The following WHAMM variants were observed in gnomAD, a reference collection of about 807,000 sequenced individuals.
WHAMM encodes the protein WASP homolog-associated protein with actin, membranes and microtubules.
A neutral mutation model predicts 76.5 loss-of-function variants in WHAMM; 67 were observed. That is an observed-to-expected ratio of 0.88 (90% CI 0.72 to 1.07). WHAMM has a LOEUF of 1.07. WHAMM is among the 50% of genes least tolerant of loss of function. The pLI is 0.00. For missense variants in WHAMM, 1,021 were observed against 1,051.1 expected, an observed-to-expected ratio of 0.97 and a Z score of 0.40; for synonymous variants, 419 against 422.1, an observed-to-expected ratio of 0.99 and a Z score of 0.09.
At position 82,833,539 on chromosome 15, in the gene WHAMM, T is replaced by C; in HGVS notation, c.*3T>C. 1 of 1,611,894 alleles carries C rather than the reference T, an allele frequency of 6.2e-7. No homozygotes were observed. The highest frequency in any genetic ancestry group is 1.7e-5 in the Admixed American group (1 of 59,954). On this transcript the variant is annotated 3_prime_UTR_variant, in exon 10 of 10. Transcript: ENST00000286760. ...ACCCTGGCCAGTGGGATGGTTAGGC[T>C]CAAGTTTGACAAAGGCACCTGCCAC...
At chr15:82,812,335 TCTC>T (rs1432469679) in intron 1 of WHAMM, among the ~76,000 whole-genome samples, 1 of 152,196 alleles carries the variant, frequency 6.6e-6, no homozygotes, top group Non-Finnish European at 1.5e-5. Flanking sequence ...TTCATGCTAT[TCTC>T]CTGCCTCAGC....
chr15:82,826,744 A>T lies in WHAMM; in HGVS notation c.1546-7A>T. ...CAATTTACAAATATACATTTGTTTA[A>T]ATATAGAAAAGAGACAAGATAAAAG... On this transcript the variant is annotated splice_polypyrimidine_tract_variant and splice_region_variant and intron_variant, in intron 7 of 9. Coordinates refer to ENST00000286760, the MANE Select transcript of WHAMM (RefSeq NM_001080435.3). 6.5e-7 allele frequency: 1 copy of T among 1,537,146 alleles called. No individual in the cohort carries two copies. Among genetic ancestry groups the T allele is most frequent in the Non-Finnish European group, 8.7e-7 (1 of 1,143,658 alleles).
rs756530135 is a variant in WHAMM at position 82,809,895 on chromosome 15, G to A, written c.169G>A (p.Glu57Lys). 6.4e-7 allele frequency: 1 copy of A among 1,550,700 alleles called. No individual in the cohort carries two copies. Among genetic ancestry groups the A allele is most frequent in the Non-Finnish European group, 8.7e-7 (1 of 1,146,568 alleles). ...TACCGCGCAGCAGCGGCGGCTGCGC[G>A]AGGGGGCCCGGTTGGGGCCCGAGCC... ...DRTAQQRRLR[E>K]GARLGPEPEP... Residue 57 changes from glutamate to lysine, a missense_variant, in exon 1 of 10, where the codon GAG (glutamate) becomes AAG (lysine). By Grantham distance (56) the Glu-to-Lys change is moderately conservative. Coordinates refer to ENST00000286760, the MANE Select transcript of WHAMM (RefSeq NM_001080435.3).
chr15:82,830,976 C>T lies in WHAMM; in HGVS notation c.2019C>T (p.Asn673=). ...SSSSQAATHQ[N]LGFRAPVKDD... ...CCTCTCAAGCTGCAACTCATCAGAA[C>T]TTAGGCTTCCGGGCTCCAGTGAAAG... is the stretch of plus-strand genomic sequence containing the variant. Residue 673 remains asparagine, a synonymous_variant, in exon 9 of 10, where the codon AAC becomes AAT. Transcript: ENST00000286760. The T allele has an allele frequency of 7.0e-7, 1 of 1,421,070 alleles. No homozygotes were observed. 88.0% of individuals were successfully genotyped at this position (1,421,070 alleles called of 1,614,324 possible). A position where few individuals can be genotyped will look rare whatever the true frequency, so the allele number is the denominator to read the frequency against.
chr15:82,833,176 TGGGAA>T lies in WHAMM; in HGVS notation c.2123-47_2123-43del, dbSNP rs1184929550. ...TCACAATTTCATAGCAGTAATGTCC[TGGGAA>T]GGGAAAGTGTTTTATTGATAGTACT... On this transcript the variant is annotated intron_variant, in intron 9 of 9. Coordinates refer to ENST00000286760, the MANE Select transcript of WHAMM (RefSeq NM_001080435.3). 5 of 1,549,348 alleles carry T rather than the reference TGGGAA, an allele frequency of 3.2e-6. No individual in the cohort carries two copies. The African/African-American group carries it at 5.4e-5, about 17-fold the overall frequency.
At position 82,830,618 on chromosome 15, in the gene WHAMM, TCCGAA is replaced by T; in HGVS notation, c.1662_1666del (p.Arg555HisfsTer14). On this transcript the variant is annotated frameshift_variant, in exon 9 of 10. Coordinates refer to ENST00000286760, the MANE Select transcript of WHAMM (RefSeq NM_001080435.3). LOFTEE classifies it high-confidence loss of function. ...TTTCAGAAACGCCTAGCTCAATCTG[TCCGAA>T]ACACCTCTGGCTCAGAACCTGTGGC... is the stretch of plus-strand genomic sequence containing the variant. 1.2e-6 allele frequency: 2 copies of T among 1,613,236 alleles called. No homozygotes were observed. Among genetic ancestry groups the T allele is most frequent in the South Asian group, 2.2e-5 (2 of 91,060 alleles).
intron 1 of WHAMM, among the ~76,000 whole-genome samples, chr15:82,812,862 G>A (rs371630926): frequency 2.6e-5 from 4 of 152,274 alleles, no homozygotes; most frequent in African/African-American, 4.8e-5. Context: ...ATCTTCAGAA[G>A]CACAGTGCTG....
At chr15:82,825,843 G>A (rs2050922170) in intron 6 of WHAMM, among the ~76,000 whole-genome samples, 2 of 151,792 alleles carry the variant, frequency 1.3e-5, no homozygotes, top group African/African-American at 2.4e-5. Flanking sequence ...TGAGGATAAA[G>A]TATCATAAGG....
intron 8 of WHAMM, 38 bp downstream of exon 8, chr15:82,826,884 G>A (rs1317768586): frequency 6.6e-7 from 1 of 1,516,368 alleles, no homozygotes; most frequent in Non-Finnish European, 8.8e-7. Context: ...TACACTTCTG[G>A]GGAAATAACT....
intron 1 of WHAMM, 151 bp downstream of exon 1, chr15:82,810,486 G>A (rs1052218278): frequency 6.6e-5 from 65 of 985,334 alleles, no homozygotes; most frequent in Middle Eastern, 1.0e-3. Context: ...GCCGTCACCT[G>A]CGCGGGACCG....
At chr15:82,831,567 A>G (rs17158257) in intron 9 of WHAMM, among the ~76,000 whole-genome samples, 19,780 of 152,242 alleles carry the variant, frequency 0.13, 1,416 homozygotes, top group East Asian at 0.19. Flanking sequence ...CAGACTGACT[A>G]GCACACTGAG....
chr15:82,824,587 C>G (rs892207597), intron 6 of WHAMM, among the ~76,000 whole-genome samples: 9 of 152,152 alleles, frequency 5.9e-5, no homozygotes, highest in African/African-American at 1.7e-4. Flanking sequence ...TCCCAAAGTG[C>G]TGGGATTACG....
chr15:82,817,523 A>T (rs1566992935), intron 3 of WHAMM, among the ~76,000 whole-genome samples: 2 of 151,774 alleles, frequency 1.3e-5, no homozygotes, highest in Non-Finnish European at 2.9e-5. Flanking sequence ...ATGATTCTTG[A>T]TTTTTTTTTA....
chr15:82,819,435 A>C lies in WHAMM; in HGVS notation c.1217A>C (p.Asn406Thr). 7.9e-7 allele frequency: 1 copy of C among 1,270,596 alleles called. No individual in the cohort carries two copies. Among genetic ancestry groups the C allele is most frequent in the Admixed American group, 3.6e-5 (1 of 28,036 alleles). 78.7% of individuals were successfully genotyped at this position (1,270,596 alleles called of 1,614,324 possible). A position where few individuals can be genotyped will look rare whatever the true frequency, so the allele number is the denominator to read the frequency against. The change falls in exon 5 of 10, where the codon AAC becomes ACC. Residue 406 changes from asparagine (N) to threonine (T), a missense_variant. Physicochemically the swap from Asn to Thr is moderately conservative, Grantham distance 65 (BLOSUM62 0). This residue lies in a region of WHAMM where 11 missense variants were observed against 34.0 expected (regional missense o/e 0.32). Coordinates refer to ENST00000286760, the MANE Select transcript of WHAMM (RefSeq NM_001080435.3). ...LYEVKFEILK[N>T]EEILLTTQLD... ...GAAGTTAAATTTGAGATATTAAAAA[A>C]CGAAGAAATACTGCTTACTACACAG...
chr15:82,826,300 A>T, intron 6 of WHAMM, 110 bp from the exon 7 acceptor site: 1 of 1,126,262 alleles, frequency 8.9e-7, no homozygotes, highest in Non-Finnish European at 1.3e-6. Flanking sequence ...AACTAATATT[A>T]ATGAATGCCT....
chr15:82,822,825 T>C (rs1465333447), intron 5 of WHAMM, among the ~76,000 whole-genome samples: 1 of 136,206 alleles, frequency 7.3e-6, no homozygotes, highest in African/African-American at 2.6e-5. Flanking sequence ...TGTGTGTGTG[T>C]ATATATATAT....
At chr15:82,828,359 T>C (rs2050971650) in intron 8 of WHAMM, among the ~76,000 whole-genome samples, 1 of 152,134 alleles carries the variant, frequency 6.6e-6, no homozygotes, top group African/African-American at 2.4e-5. Flanking sequence ...TTCTTCTAAG[T>C]ACTAAGGCCC....
intron 2 of WHAMM, among the ~76,000 whole-genome samples, chr15:82,814,766 C>CTTTT (rs773443880): frequency 1.5e-3 from 142 of 94,744 alleles, no homozygotes; most frequent in Middle Eastern, 0.018. Context: ...TTTTTCCTTT[C>CTTTT]TTTTTTTTTT....
chr15:82,834,592 T>G lies in WHAMM; in HGVS notation c.*1056T>G, dbSNP rs1272648496. The G allele has an allele frequency of 6.5e-6, 1 of 152,696 alleles. No homozygotes were observed. Among genetic ancestry groups the G allele is most frequent in the Non-Finnish European group, 1.5e-5 (1 of 68,044 alleles). The allele number at this position is 152,696 out of a possible 1,614,324, so 9.5% of individuals were successfully genotyped here. On this transcript the variant is annotated 3_prime_UTR_variant, in exon 10 of 10. Transcript: ENST00000286760. ...TCTGTGCATATGGAATAATGATTTCTCAGATTTGTAGGCTTGAATGTGAAT... is the reference window on the plus strand; with the variant it reads ...TCTGTGCATATGGAATAATGATTTCGCAGATTTGTAGGCTTGAATGTGAAT...
Sources: allele counts gnomAD v4.1 joint callset (sites outside exome capture counted in the v4.1 genomes callset), GRCh38; gene constraint gnomAD v4.1.1; regional missense constraint gnomAD v4.1.1; transcripts MANE v1.5; gene names NCBI Gene and HGNC (gene_info 2026-07-23, HGNC 2026-07-21).